CDH6: variants seen among roughly 807,000 people sequenced by gnomAD.
CDH6 encodes cadherin-6.
In CDH6, 31 loss-of-function variants were observed where a neutral mutation model predicts 78.0. That is an observed-to-expected ratio of 0.40 (90% CI 0.30 to 0.54). The LOEUF (loss-of-function observed/expected upper bound fraction) is 0.54, where lower values mean the gene tolerates loss of function less well. CDH6 is among the 20% of genes least tolerant of loss of function. The probability of loss-of-function intolerance (pLI) is 0.56; values close to 1 mark genes in which losing one functional copy is unlikely to be tolerated. For synonymous variants in CDH6, 376 were observed against 368.8 expected, an observed-to-expected ratio of 1.02 and a Z score of -0.23; for missense variants, 724 against 975.9, an observed-to-expected ratio of 0.74 and a Z score of 3.44.
rs145230367 is a variant in CDH6, at chr5:31,288,446, GTTCAAT to G, written c.229-5512_229-5507del. On this transcript the variant is annotated intron_variant, in intron 2 of 11. Transcript: ENST00000265071. ...AATCCCTGCCATGTACTTCAAGCAA[GTTCAAT>G]TTCTTCCTGATATAAACTCTACCCA... Among the ~76,000 whole-genome samples the G allele has an allele frequency of 2.0e-3, 310 of 152,294 alleles. 1 individual carries two copies. In the East Asian group the frequency reaches 0.023, roughly 11 times the overall value.
chr5:31,245,496 C>G (rs908995312), intron 1 of CDH6, among the ~76,000 whole-genome samples: 4 of 152,010 alleles, frequency 2.6e-5, no homozygotes, highest in Non-Finnish European at 5.9e-5. Flanking sequence ...TGTTAAAAGC[C>G]CTTTCCTACC....
intron 2 of CDH6, 96 bp from the exon 3 acceptor site, chr5:31,293,866 T>A: frequency 1.4e-6 from 1 of 718,468 alleles, no homozygotes; most frequent in Non-Finnish European, 2.2e-6. Flanking sequence ...AGAAAGAATT[T>A]AATAAAAGTT....
At chr5:31,281,896 T>A (rs1742875498) in intron 2 of CDH6, among the ~76,000 whole-genome samples, 1 of 152,132 alleles carries the variant, frequency 6.6e-6, no homozygotes, top group Admixed American at 6.6e-5. Context: ...AATTACTTAA[T>A]CTCTCTGGCC....
intron 2 of CDH6, among the ~76,000 whole-genome samples, chr5:31,286,712 G>A (rs1000789556): frequency 1.3e-5 from 2 of 152,258 alleles, no homozygotes. Context: ...TTCAGAGTTG[G>A]TGTTGTTCTT....
intron 5 of CDH6, among the ~76,000 whole-genome samples, chr5:31,300,036 G>A (rs568320784): frequency 1.3e-5 from 2 of 152,244 alleles, no homozygotes; most frequent in East Asian, 3.9e-4. Flanking sequence ...TATAAGGGGA[G>A]GATTTATTAT....
intron 6 of CDH6, among the ~76,000 whole-genome samples, chr5:31,302,954 AGAAG>A (rs1329499190): frequency 0.023 from 2,981 of 129,726 alleles, 123 homozygotes; most frequent in South Asian, 0.038. Context: ...AAAGAAAGAA[AGAAG>A]GAAAGAAAAG....
chr5:31,295,016 C>T (rs998185053), intron 3 of CDH6, among the ~76,000 whole-genome samples: 36 of 152,130 alleles, frequency 2.4e-4, no homozygotes. Flanking sequence ...TTTATTTTCA[C>T]TCTGTCAGAT....
At chr5:31,299,993 G>T (rs879555536) in intron 5 of CDH6, among the ~76,000 whole-genome samples, 5 of 152,186 alleles carry the variant, frequency 3.3e-5, no homozygotes, top group Admixed American at 6.5e-5. Flanking sequence ...ATTTAATCAG[G>T]CATGTAATCT....
At chr5:31,268,810 T>G (rs1742436977) in intron 2 of CDH6, among the ~76,000 whole-genome samples, 1 of 152,214 alleles carries the variant, frequency 6.6e-6, no homozygotes, top group Non-Finnish European at 1.5e-5. Flanking sequence ...AATATTCTCT[T>G]TAAGTATTTA....
At chr5:31,272,496 A>G (rs1742555069) in intron 2 of CDH6, among the ~76,000 whole-genome samples, 1 of 152,202 alleles carries the variant, frequency 6.6e-6, no homozygotes, top group Admixed American at 6.5e-5. Flanking sequence ...GATGATTGGT[A>G]TATAGTCTAA....
intron 11 of CDH6, among the ~76,000 whole-genome samples, chr5:31,321,428 C>T (rs1003141767): frequency 6.6e-6 from 1 of 152,092 alleles, no homozygotes; most frequent in Non-Finnish European, 1.5e-5. Context: ...TCTGACCAAC[C>T]TGAATTTGAA....
At chr5:31,224,548 C>T (rs1741094510) in intron 1 of CDH6, among the ~76,000 whole-genome samples, 2 of 152,118 alleles carry the variant, frequency 1.3e-5, no homozygotes, top group African/African-American at 2.4e-5. Flanking sequence ...GAATCACTCT[C>T]ATTAGTGGGT....
chr5:31,204,682 A>T (rs1309151481), intron 1 of CDH6, among the ~76,000 whole-genome samples: 2 of 152,278 alleles, frequency 1.3e-5, no homozygotes, highest in East Asian at 3.9e-4. Context: ...TTTGTATGAT[A>T]ATCTTTTTAT....
In CDH6 at chr5:31,215,886, T is replaced by C. The variant is rs561315012; in HGVS notation, c.-129+22000T>C. ...ATCCAATTTGACGATGGACAGCAAA[T>C]TTCCACATAGCAACCAAGAGACAGA... On this transcript the variant is annotated intron_variant, in intron 1 of 11. Transcript: ENST00000265071. Among the ~76,000 whole-genome samples, 235 of 152,204 alleles carry C rather than the reference T, an allele frequency of 1.5e-3. 1 individual carries two copies. Among genetic ancestry groups the C allele is most frequent in the African/African-American group, 5.4e-3 (224 of 41,532 alleles).
chr5:31,293,390 T>C (rs1459947667), intron 2 of CDH6, among the ~76,000 whole-genome samples: 4 of 151,884 alleles, frequency 2.6e-5, no homozygotes, highest in African/African-American at 9.7e-5. Context: ...TATCACATCT[T>C]CCCAGAAAAA....
intron 2 of CDH6, among the ~76,000 whole-genome samples, chr5:31,273,287 G>T (rs892133251): frequency 6.6e-6 from 1 of 152,026 alleles, no homozygotes; most frequent in Non-Finnish European, 1.5e-5. Flanking sequence ...GAAACCTCCT[G>T]GCACTAATTC....
Position 31,322,847 on chromosome 5 carries a change from C to T in CDH6, c.1912C>T (p.Arg638Trp), listed in dbSNP as rs1738508291. 1.2e-6 allele frequency: 2 copies of T among 1,613,570 alleles called. No individual in the cohort carries two copies. The highest frequency in any genetic ancestry group is 3.3e-4 in the Middle Eastern group (2 of 6,062). Reference protein sequence around the residue: ...VTVVLFAALRRQRKKEPLIIS... With the variant: ...VTVVLFAALRWQRKKEPLIIS... ...AGTGGTGCTGTTTGCAGCTCTGAGG[C>T]GGCAGCGAAAAAAAGAGCCTTTGAT... The change falls in exon 12 of 12, where the codon CGG becomes TGG. Residue 638 changes from arginine (R) to tryptophan (W), a missense_variant. Arg to Trp is a moderately radical substitution (Grantham distance 101). This residue lies in a region of CDH6 where 220 missense variants were observed against 240.6 expected (regional missense o/e 0.91). Coordinates refer to ENST00000265071, the MANE Select transcript of CDH6 (RefSeq NM_004932.4).
chr5:31,203,480 G>A (rs1740428247), intron 1 of CDH6, among the ~76,000 whole-genome samples: 1 of 134,206 alleles, frequency 7.5e-6, no homozygotes. Context: ...TCCCACCTAT[G>A]AGTGAGAATA....
intron 1 of CDH6, among the ~76,000 whole-genome samples, chr5:31,263,726 C>T (rs1205280013): frequency 2.6e-5 from 4 of 152,182 alleles, no homozygotes; most frequent in Non-Finnish European, 5.9e-5. Context: ...CCTCTTAATA[C>T]TGCCACATGG....
Sources: allele counts gnomAD v4.1 joint callset (sites outside exome capture counted in the v4.1 genomes callset), GRCh38; gene constraint gnomAD v4.1.1; regional missense constraint gnomAD v4.1.1; transcripts MANE v1.5; gene names NCBI Gene and HGNC (gene_info 2026-07-23, HGNC 2026-07-21).